The following SOX6 variants were observed in gnomAD, a reference collection of about 807,000 sequenced individuals.
SOX6 encodes SRY-box transcription factor 6, also known as transcription factor SOX-6.
Under a neutral mutation model 97.8 loss-of-function variants are expected in SOX6, and 11 were observed. That is an observed-to-expected ratio of 0.11 (90% CI 0.07 to 0.19). The LOEUF is 0.19. SOX6 is among the 10% of genes least tolerant of loss of function. The pLI is 1.00. For missense variants in SOX6, 810 were observed against 1,039.5 expected, an observed-to-expected ratio of 0.78 and a Z score of 3.04; for synonymous variants, 360 against 371.4, an observed-to-expected ratio of 0.97 and a Z score of 0.35.
At position 16,111,897 on chromosome 11, in the gene SOX6, C is replaced by A. The variant is rs1849239852; in HGVS notation, c.804G>T (p.Met268Ile). 2 of 1,612,472 alleles carry A rather than the reference C, an allele frequency of 1.2e-6. No homozygotes were observed. Among genetic ancestry groups the A allele is most frequent in the East Asian group, 4.5e-5 (2 of 44,854 alleles). ...IQVQGHMPPL[M>I]IPIFPHDQRT... Reference sequence around the variant, plus strand: ...GCTGGTCATGTGGAAAAATTGGGATCATGAGCGGAGGCATGTGACCCTGAA... The same window carrying A: ...GCTGGTCATGTGGAAAAATTGGGATAATGAGCGGAGGCATGTGACCCTGAA... Residue 268 changes from methionine (M) to isoleucine (I), a missense_variant, in exon 7 of 16, where the codon ATG (methionine) becomes ATT (isoleucine). Met to Ile is a conservative substitution (Grantham distance 10). This residue lies in a region of SOX6 where 244 missense variants were observed against 261.0 expected (regional missense o/e 0.93). Coordinates refer to ENST00000683767, the MANE Select transcript of SOX6 (RefSeq NM_001367873.1).
intron 6 of SOX6, among the ~76,000 whole-genome samples, chr11:16,177,356 T>C (rs1014634715): frequency 1.1e-4 from 16 of 151,896 alleles, no homozygotes; most frequent in Non-Finnish European, 2.4e-4. Context: ...CTTTCAAGGG[T>C]TCCCCAAAAT....
At chr11:16,143,476 G>A (rs2134043461) in intron 6 of SOX6, among the ~76,000 whole-genome samples, 1 of 152,310 alleles carries the variant, frequency 6.6e-6, no homozygotes, top group South Asian at 2.1e-4. Flanking sequence ...ACATCATAAT[G>A]ACAGGATCAA....
At position 16,373,624 on chromosome 11, in the gene SOX6, C is replaced by G. The variant is rs947096494; in HGVS notation, c.-4-32372G>C. Among the ~76,000 whole-genome samples the G allele has an allele frequency of 3.3e-5, 5 of 152,068 alleles. No homozygotes were observed. In the East Asian group the frequency reaches 7.7e-4, roughly 24 times the overall value. Reference sequence around the variant, plus strand: ...TATAATTTCCAGAGATACAATCATACCCAGGCATTGTCAATTTTTTATTGC... The same window carrying G: ...TATAATTTCCAGAGATACAATCATAGCCAGGCATTGTCAATTTTTTATTGC... On this transcript the variant is annotated intron_variant, in intron 1 of 15. Coordinates refer to the SOX6 transcript ENST00000396356.
At chr11:16,181,213 C>A (rs1851337460) in intron 6 of SOX6, among the ~76,000 whole-genome samples, 1 of 151,416 alleles carries the variant, frequency 6.6e-6, no homozygotes, top group South Asian at 2.1e-4. Context: ...ACCATGTAAG[C>A]TAATAGGTTC....
chr11:16,544,344 C>T (rs1395171342), intron 4 of SOX6, among the ~76,000 whole-genome samples: 1 of 152,096 alleles, frequency 6.6e-6, no homozygotes, highest in Admixed American at 6.6e-5. Context: ...AGTACAGCCT[C>T]AGTCTCCTGG....
intron 10 of SOX6, among the ~76,000 whole-genome samples, chr11:16,055,119 A>T (rs1847781122): frequency 6.6e-6 from 1 of 152,176 alleles, no homozygotes; most frequent in Admixed American, 6.5e-5. Flanking sequence ...AAGAGCATTT[A>T]TTAAGGATAC....
chr11:16,568,723 A>G (rs1847904082), intron 4 of SOX6, among the ~76,000 whole-genome samples: 1 of 152,214 alleles, frequency 6.6e-6, no homozygotes, highest in Non-Finnish European at 1.5e-5. Context: ...CTCAGTCAAA[A>G]TTAATATTTC....
intron 13 of SOX6, among the ~76,000 whole-genome samples, chr11:15,995,118 G>A (rs971473001): frequency 1.3e-5 from 2 of 152,132 alleles, no homozygotes; most frequent in African/African-American, 4.8e-5. Context: ...GTATTTGGAA[G>A]ACTCAAATGA....
intron 3 of SOX6, among the ~76,000 whole-genome samples, chr11:16,297,016 T>G (rs1456279357): frequency 6.6e-6 from 1 of 152,108 alleles, no homozygotes; most frequent in East Asian, 1.9e-4. Flanking sequence ...CTGAATTATA[T>G]TTCAAAATAA....
intron 6 of SOX6, among the ~76,000 whole-genome samples, chr11:16,113,696 A>T (rs890719439): frequency 6.6e-6 from 1 of 152,196 alleles, no homozygotes; most frequent in Non-Finnish European, 1.5e-5. Context: ...TATAGCACAG[A>T]TGGCTTATAC....
At chr11:16,193,104 A>G (rs1228114446) in intron 4 of SOX6, among the ~76,000 whole-genome samples, 5 of 152,242 alleles carry the variant, frequency 3.3e-5, no homozygotes, top group African/African-American at 1.2e-4. Flanking sequence ...AAATCTAGAA[A>G]CAACACAGCA....
At chr11:16,139,908 T>C (rs1850082297) in intron 6 of SOX6, among the ~76,000 whole-genome samples, 1 of 149,566 alleles carries the variant, frequency 6.7e-6, no homozygotes, top group Admixed American at 6.7e-5. Context: ...CTTCATTTCA[T>C]ATTTGTAACT....
At chr11:16,626,254 C>A (rs1312319021) in intron 3 of SOX6, among the ~76,000 whole-genome samples, 1 of 152,148 alleles carries the variant, frequency 6.6e-6, no homozygotes, top group Non-Finnish European at 1.5e-5. Flanking sequence ...TTCCAACAGG[C>A]GAAGCTCATT....
At chr11:16,025,605 G>A (rs1271051110) in intron 12 of SOX6, among the ~76,000 whole-genome samples, 2 of 152,258 alleles carry the variant, frequency 1.3e-5, no homozygotes, top group East Asian at 3.9e-4. Flanking sequence ...AGTATTATTT[G>A]TGGAAACACA....
intron 3 of SOX6, among the ~76,000 whole-genome samples, chr11:16,711,368 GA>G (rs1387373554): frequency 6.6e-6 from 1 of 150,970 alleles, no homozygotes; most frequent in African/African-American, 2.4e-5. Flanking sequence ...GTCTCTACAA[GA>G]AAAAAAAATG....
chr11:16,547,821 A>G (rs959021777), intron 4 of SOX6, among the ~76,000 whole-genome samples: 1 of 152,206 alleles, frequency 6.6e-6, no homozygotes, highest in East Asian at 1.9e-4. Flanking sequence ...ACTTGAGATG[A>G]TGGATATCCT....
chr11:16,105,594 C>T (rs1318208711), intron 7 of SOX6, among the ~76,000 whole-genome samples: 1 of 152,066 alleles, frequency 6.6e-6, no homozygotes, highest in African/African-American at 2.4e-5. Context: ...ACATCCACAG[C>T]TAACTTCATA....
At chr11:16,690,866 A>T (rs1383584181) in intron 3 of SOX6, among the ~76,000 whole-genome samples, 1 of 152,206 alleles carries the variant, frequency 6.6e-6, no homozygotes, top group East Asian at 1.9e-4. Context: ...GATTATTGTT[A>T]GGCTTTAGTA....
At position 16,300,258 on chromosome 11, in the gene SOX6, T is replaced by TA. The variant is rs895677015; in HGVS notation, c.445+18187dup. On this transcript the variant is annotated intron_variant, in intron 3 of 15. Coordinates refer to ENST00000683767, the MANE Select transcript of SOX6 (RefSeq NM_001367873.1). This position sits in a 1 kb window ranked among gnomAD's most constrained non-coding sequence, Gnocchi z 4.1. ...ACCAAATACTGAGCTGAGCAGGGAT[T>TA]AAAAAAAAGGACTTATACAAATGGA... Among the ~76,000 whole-genome samples the TA allele has an allele frequency of 6.6e-6, 1 of 151,840 alleles. No individual in the cohort carries two copies. The highest frequency in any genetic ancestry group is 2.4e-5 in the African/African-American group (1 of 41,338).
Sources: gnomAD v4.1 joint callset for allele counts (sites outside exome capture counted in the v4.1 genomes callset) on GRCh38, gnomAD v4.1.1 for gene constraint, gnomAD v4.1.1 regional missense constraint, Gnocchi (gnomAD v3.1) non-coding constraint, MANE v1.5 for transcripts, NCBI Gene and HGNC (gene_info 2026-07-23, HGNC 2026-07-21) for gene names.